Variants in CPEB3 observed in about 807,000 individuals in gnomAD.
CPEB3 encodes the protein cytoplasmic polyadenylation element binding protein 3.
In CPEB3, 20 loss-of-function variants were observed where a neutral mutation model predicts 67.2. The observed-to-expected ratio is 0.30, with a 90% CI of 0.21 to 0.43. The LOEUF (loss-of-function observed/expected upper bound fraction) is 0.43, where lower values mean the gene tolerates loss of function less well. Among genes scored for constraint, CPEB3 ranks in the 20% least tolerant of loss-of-function variants. The pLI, the probability that CPEB3 is intolerant of heterozygous loss-of-function variation, is 1.00. For missense variants in CPEB3, 746 were observed against 968.6 expected, an observed-to-expected ratio of 0.77 and a Z score of 3.05; for synonymous variants, 376 against 393.1, an observed-to-expected ratio of 0.96 and a Z score of 0.51.
chr10:92,282,917 T>C (rs1016325282), intron 1 of CPEB3, among the ~76,000 whole-genome samples: 3 of 152,158 alleles, frequency 2.0e-5, no homozygotes, highest in Non-Finnish European at 4.4e-5. Context: ...GCTTAACTTA[T>C]TTCTGTTTCC....
At chr10:92,130,287 T>G (rs959457642) in intron 6 of CPEB3, among the ~76,000 whole-genome samples, 2 of 152,058 alleles carry the variant, frequency 1.3e-5, no homozygotes, top group African/African-American at 4.8e-5. Context: ...CTATTTTTCC[T>G]TCAGAGAACT....
chr10:92,065,597 T>C (rs1842515940), intron 9 of CPEB3, among the ~76,000 whole-genome samples: 1 of 152,134 alleles, frequency 6.6e-6, no homozygotes, highest in African/African-American at 2.4e-5. Flanking sequence ...TCAACCCCAG[T>C]TCACTGTTTT....
intron 4 of CPEB3, among the ~76,000 whole-genome samples, chr10:92,176,271 C>T (rs969454261): frequency 6.6e-6 from 1 of 152,196 alleles, no homozygotes; most frequent in Admixed American, 6.5e-5. Flanking sequence ...ACAATAGCAG[C>T]TCATATGAGC....
intron 1 of CPEB3, among the ~76,000 whole-genome samples, chr10:92,253,463 CAAAA>C (rs370091703): frequency 1.0e-4 from 8 of 76,836 alleles, no homozygotes; most frequent in African/African-American, 1.4e-4. Flanking sequence ...TGTCTCAAAA[CAAAA>C]AAAAAAAAAA....
chr10:92,077,859 C>T (rs887576450), intron 9 of CPEB3, among the ~76,000 whole-genome samples: 12 of 151,684 alleles, frequency 7.9e-5, no homozygotes, highest in African/African-American at 2.7e-4. Context: ...CCATATTGGT[C>T]AGGGCAAACG....
rs900606923 is a variant in CPEB3, at chr10:92,255,073, T to C, written c.-11-14712A>G. On this transcript the variant is annotated intron_variant, in intron 1 of 9. Transcript: ENST00000265997. The stretch of plus-strand genomic sequence containing the variant: ...GTAGTAATGTCTCCAATTTCCCTAC[T>C]GCCCACCAACAAGCCCTCCCTTACA... Among the ~76,000 whole-genome samples, 3 of 152,070 alleles carry C rather than the reference T, an allele frequency of 2.0e-5. No individual in the cohort carries two copies. The South Asian group carries it at 6.2e-4, about 32-fold the overall frequency.
rs1446474648 is a variant in CPEB3, at chr10:92,239,531, C to T, written c.820G>A (p.Val274Met). 2 of 1,561,510 alleles carry T rather than the reference C, an allele frequency of 1.3e-6. No homozygotes were observed. The highest frequency in any genetic ancestry group is 1.9e-5 in the Admixed American group (1 of 51,764). ...ACCCCGACACCCACACCCACGCCCA[C>T]ACCGACCGCCCGGCGAGGGTCCCGG... Reference protein sequence around the residue: ...AGRDPRRAVGVGVGVGVGVPS... With the variant: ...AGRDPRRAVGMGVGVGVGVPS... The change falls in exon 2 of 10, where the codon GTG (valine) becomes ATG (methionine). Residue 274 changes from valine to methionine, a missense_variant. Coordinates refer to ENST00000265997, the MANE Select transcript of CPEB3 (RefSeq NM_014912.5). The surrounding 1 kb of genome is among the most constrained non-coding windows in gnomAD (Gnocchi z 6.0).
At chr10:92,120,098 C>CAAAAAAAAAAAAAAAAAAAACAAACA (rs34785763) in intron 6 of CPEB3, among the ~76,000 whole-genome samples, 1 of 45,282 alleles carries the variant, frequency 2.2e-5, no homozygotes, top group Non-Finnish European at 3.7e-5. Context: ...ACTAAAAATA[C>CAAAAAAAAAAAAAAAAAAAACAAACA]AAAAAAAAAA....
intron 2 of CPEB3, among the ~76,000 whole-genome samples, chr10:92,223,894 G>A (rs950346674): frequency 1.1e-4 from 16 of 151,932 alleles, no homozygotes; most frequent in African/African-American, 1.9e-4. Flanking sequence ...GATTACAGGC[G>A]CCTGCCACCA....
chr10:92,230,337 G>C (rs950236585), intron 2 of CPEB3, among the ~76,000 whole-genome samples: 2 of 152,174 alleles, frequency 1.3e-5, no homozygotes, highest in African/African-American at 2.4e-5. Flanking sequence ...ATAGTCCTAT[G>C]CATACATAAT....
intron 1 of CPEB3, among the ~76,000 whole-genome samples, chr10:92,285,270 TTTC>T (rs1249185514): frequency 6.6e-6 from 1 of 152,210 alleles, no homozygotes; most frequent in African/African-American, 2.4e-5. Flanking sequence ...TCTTTCTTTC[TTTC>T]TTATTTTTAT....
rs185377274 is a variant in CPEB3, at chr10:92,227,401, G to A, written c.1005+11945C>T. 2.0e-5 allele frequency among the ~76,000 whole-genome samples: 3 copies of A among 152,284 alleles called. No individual in the cohort carries two copies. The East Asian group carries it at 5.8e-4, about 29-fold the overall frequency. ...AATAATACAACACCCAAAAGCTGGAGCACATGGATTATGATTTTGAACACA... is the reference window on the plus strand; with the variant it reads ...AATAATACAACACCCAAAAGCTGGAACACATGGATTATGATTTTGAACACA... On this transcript the variant is annotated intron_variant, in intron 2 of 9. Transcript: ENST00000265997.
rs1181587992 is a variant in CPEB3 at position 92,050,636 on chromosome 10, A to C, written c.*1576T>G. The C allele has an allele frequency of 1.3e-5, 2 of 152,344 alleles. No individual in the cohort carries two copies. Among genetic ancestry groups the C allele is most frequent in the African/African-American group, 4.8e-5 (2 of 41,460 alleles). 9.4% of individuals were successfully genotyped at this position (152,344 alleles called of 1,614,324 possible). ...TGCTAGCAGGCCTTCATTCTACTCAAGCTTAACAGGATAAATCCAGGGAAT... is the reference window on the plus strand; with the variant it reads ...TGCTAGCAGGCCTTCATTCTACTCACGCTTAACAGGATAAATCCAGGGAAT... On this transcript the variant is annotated 3_prime_UTR_variant, in exon 10 of 10. Coordinates refer to ENST00000265997, the MANE Select transcript of CPEB3 (RefSeq NM_014912.5).
At chr10:92,196,709 A>G (rs1849252991) in intron 2 of CPEB3, among the ~76,000 whole-genome samples, 1 of 151,576 alleles carries the variant, frequency 6.6e-6, no homozygotes, top group Admixed American at 6.6e-5. Flanking sequence ...CGGAGGTTGC[A>G]GTGAGCCGAG....
At chr10:92,251,937 T>C (rs1230092827) in intron 1 of CPEB3, among the ~76,000 whole-genome samples, 1 of 143,608 alleles carries the variant, frequency 7.0e-6, no homozygotes, top group Non-Finnish European at 1.5e-5. Context: ...CAAGACTCCA[T>C]CTCAAAAAGA....
intron 7 of CPEB3, among the ~76,000 whole-genome samples, chr10:92,099,522 G>A (rs1170505352): frequency 1.3e-5 from 2 of 151,910 alleles, no homozygotes; most frequent in Non-Finnish European, 2.9e-5. Flanking sequence ...AAATTTCATT[G>A]ACAATTGACC....
In CPEB3 at chr10:92,202,841, G is replaced by A. The variant is rs567463441; in HGVS notation, c.1006-10205C>T. The stretch of plus-strand genomic sequence containing the variant: ...CAATTTAGTCATTATACTAAAAACC[G>A]CTACATTGTATATTTTAAGAGTGAA... On this transcript the variant is annotated intron_variant, in intron 2 of 9. Transcript: ENST00000265997. Among the ~76,000 whole-genome samples the A allele has an allele frequency of 1.7e-4, 26 of 151,532 alleles. No homozygotes were observed. In the East Asian group the frequency reaches 3.3e-3, roughly 19 times the overall value.
intron 9 of CPEB3, among the ~76,000 whole-genome samples, chr10:92,053,252 G>A (rs1335442426): frequency 2.0e-5 from 3 of 152,054 alleles, no homozygotes; most frequent in South Asian, 2.1e-4. Context: ...AAATCTAAAC[G>A]AAGCAAAGCT....
At chr10:92,070,713 A>C (rs1323971894) in intron 9 of CPEB3, among the ~76,000 whole-genome samples, 1 of 151,958 alleles carries the variant, frequency 6.6e-6, no homozygotes, top group Non-Finnish European at 1.5e-5. Flanking sequence ...GGAGGTGGAG[A>C]TTGCAGTGAG....
Sources: gnomAD v4.1 joint callset for allele counts (sites outside exome capture counted in the v4.1 genomes callset) on GRCh38, gnomAD v4.1.1 for gene constraint, Gnocchi (gnomAD v3.1) non-coding constraint, MANE v1.5 for transcripts, NCBI Gene and HGNC (gene_info 2026-07-23, HGNC 2026-07-21) for gene names.